FAM136A: variants seen among roughly 807,000 people sequenced by gnomAD.
The protein encoded by FAM136A is TIM double twin CX3C motif chaperone, also known as TIM double twin CX3C motif protein.
A neutral mutation model predicts 21.6 loss-of-function variants in FAM136A; 25 were observed. That is an observed-to-expected ratio of 1.16 (90% CI 0.84 to 1.62). The LOEUF is 1.62. Ranked by LOEUF, FAM136A falls within the 40% of genes most tolerant of loss-of-function variation. The pLI, the probability that FAM136A is intolerant of heterozygous loss-of-function variation, is 0.00. For synonymous variants in FAM136A, 119 were observed against 129.4 expected (o/e 0.92, Z 0.55); for missense variants, 338 against 332.0 (o/e 1.02, Z -0.14).
rs1379303003 is a variant in FAM136A, at chr2:70,301,967, G to A, written c.45C>T (p.Ser15=). The A allele has an allele frequency of 6.2e-7, 1 of 1,608,386 alleles. No individual in the cohort carries two copies. The highest frequency in any genetic ancestry group is 8.5e-7 in the Non-Finnish European group (1 of 1,178,570). ...QQLRVQEAVE[S]MVKSLERENI... The stretch of plus-strand genomic sequence containing the variant: ...TCTCTCTTTCCAGACTCTTCACCAT[G>A]GACTCCACCGCCTCCTGCACCCGGA... The change falls in exon 1 of 3, where the codon TCC becomes TCT. Residue 15 remains serine (S), a synonymous_variant. Transcript: ENST00000430566.
At position 70,301,847 on chromosome 2, in the gene FAM136A, C is replaced by T. The variant is rs778945845; in HGVS notation, c.165G>A (p.Thr55=). The part of the protein sequence containing the change: ...VPGPSLSHHA[T]PCTAAASPQT... ...GCGGGGACGCGGCTGCAGTGCAAGG[C>T]GTCGCGTGGTGGCTGAGGGAAGGGC... The change falls in exon 1 of 3, where the codon ACG becomes ACA. Residue 55 remains threonine (T), a synonymous_variant. Coordinates refer to ENST00000430566, the MANE Select transcript of FAM136A (RefSeq NM_001329752.2). The T allele has an allele frequency of 1.7e-5, 26 of 1,551,588 alleles. 1 individual carries two copies. In the South Asian group the frequency reaches 2.0e-4, roughly 12 times the overall value.
Position 70,302,057 on chromosome 2 carries a change from G to A in FAM136A, c.-46C>T. 6.5e-7 allele frequency: 1 copy of A among 1,530,984 alleles called. No homozygotes were observed. Among genetic ancestry groups the A allele is most frequent in the South Asian group, 1.2e-5 (1 of 82,034 alleles). The allele number at this position is 1,530,984 out of a possible 1,614,324, so 94.8% of individuals were successfully genotyped here. On this transcript the variant is annotated 5_prime_UTR_variant, in exon 1 of 3. Coordinates refer to ENST00000430566, the MANE Select transcript of FAM136A (RefSeq NM_001329752.2). ...CGGCGCTCCGCGCCGGCGCCCATAT[G>A]GAATCGGCGTACGGGCCCGCCCCCT...
Position 70,297,458 on chromosome 2 carries a change from G to A in FAM136A, c.569C>T (p.Thr190Ile). The change falls in exon 3 of 3, where the codon ACC becomes ATC. Residue 190 changes from threonine (T) to isoleucine (I), a missense_variant. Physicochemically the swap from Thr to Ile is moderately conservative, Grantham distance 89. Coordinates refer to ENST00000430566, the MANE Select transcript of FAM136A (RefSeq NM_001329752.2). ...EKFQDRLARC[T>I]MHCNDKAKDS... ...TTTGGCTTTGTCGTTGCAATGCATG[G>A]TGCACCGGGCCAGGCGGTCCTGTGG... 1 of 1,613,862 alleles carries A rather than the reference G, an allele frequency of 6.2e-7. No homozygotes were observed. Among genetic ancestry groups the A allele is most frequent in the Non-Finnish European group, 8.5e-7 (1 of 1,179,862 alleles).
chr2:70,299,476 A>C (rs767923233), intron 2 of FAM136A, among the ~76,000 whole-genome samples: 1 of 152,258 alleles, frequency 6.6e-6, no homozygotes, highest in Non-Finnish European at 1.5e-5. Context: ...GGGTGGGTGT[A>C]TAAGTCCACA....
chr2:70,301,712 A>G lies in FAM136A; in HGVS notation c.300T>C (p.Phe100=). 1.3e-6 allele frequency: 2 copies of G among 1,536,264 alleles called. No individual in the cohort carries two copies. The highest frequency in any genetic ancestry group is 1.2e-5 in the South Asian group (1 of 84,014). ...CCTGCCCCGGGCTGGAAGGGGCGGA[A>G]AACAGCCTCGCGCACGGCAAGGGCA... ...IRVPLPCARL[F]SAPSSPGQER... is the part of the protein sequence containing the mutation. The change falls in exon 1 of 3, where the codon TTT becomes TTC. Residue 100 remains phenylalanine, a synonymous_variant. Coordinates refer to ENST00000430566, the MANE Select transcript of FAM136A (RefSeq NM_001329752.2).
chr2:70,300,645 T>C (rs60931443), intron 2 of FAM136A, 195 bp downstream of exon 2: 2 of 563,112 alleles, frequency 3.6e-6, no homozygotes, highest in Non-Finnish European at 6.3e-6. Context: ...CTATAGGAAA[T>C]GATGTTCAAC....
Position 70,301,995 on chromosome 2 carries a change from T to C in FAM136A, c.17A>G (p.Gln6Arg). The C allele has an allele frequency of 6.2e-7, 1 of 1,603,340 alleles. No homozygotes were observed. Among genetic ancestry groups the C allele is most frequent in the Non-Finnish European group, 8.5e-7 (1 of 1,176,390 alleles). Residue 6 changes from glutamine (Q) to arginine (R), a missense_variant, in exon 1 of 3, where the codon CAG (glutamine) becomes CGG (arginine). Transcript: ENST00000430566. MAELQ[Q>R]LRVQEAVESM... ...CTCCACCGCCTCCTGCACCCGGAGC[T>C]GCTGCAGCTCAGCCATGGCGACCCC...
rs116073039 is a variant in FAM136A, at chr2:70,297,171, C to G, written c.*118G>C. ...CCAGAGGCAAGTGACATATGCCTTA[C>G]GCTTGTGGCCATCCTTCATTTCTTC... On this transcript the variant is annotated 3_prime_UTR_variant, in exon 3 of 3. Coordinates refer to ENST00000430566, the MANE Select transcript of FAM136A (RefSeq NM_001329752.2). 2.9e-6 allele frequency: 3 copies of G among 1,037,152 alleles called. No individual in the cohort carries two copies. The highest frequency in any genetic ancestry group is 5.4e-5 in the Admixed American group (2 of 37,106). The allele number at this position is 1,037,152 out of a possible 1,614,324, so 64.2% of individuals were successfully genotyped here.
intron 1 of FAM136A, chr2:70,301,244 G>A (rs1697389028): frequency 2.2e-6 from 2 of 922,128 alleles, no homozygotes; most frequent in Admixed American, 5.9e-5. Flanking sequence ...ACAGAGGTTC[G>A]CCCGAGTGGG....
chr2:70,301,575 G>A, intron 1 of FAM136A, 29 bp downstream of exon 1: 1 of 1,535,986 alleles, frequency 6.5e-7, no homozygotes, highest in Non-Finnish European at 8.7e-7. Context: ...CACGTTGGCA[G>A]CGCCTCTGCT....
Position 70,301,641 on chromosome 2 carries a change from G to A in FAM136A, c.371C>T (p.Ala124Val), listed in dbSNP as rs369174910. The A allele has an allele frequency of 5.2e-5, 80 of 1,535,514 alleles. No homozygotes were observed. Among genetic ancestry groups the A allele is most frequent in the Middle Eastern group, 1.7e-4 (1 of 6,000 alleles). ...QVGSPWWQAL[A>V]PPPSPLTRPL... is the part of the protein sequence containing the mutation. ...CCGCGTAAGAGGGGAAGGTGGTGGG[G>A]CGAGCGCCTGCCACCAGGGGCTTCC... is the stretch of plus-strand genomic sequence containing the variant. Residue 124 changes from alanine to valine, a missense_variant, in exon 1 of 3, where the codon GCC becomes GTC. Coordinates refer to ENST00000430566, the MANE Select transcript of FAM136A (RefSeq NM_001329752.2).
chr2:70,301,655 C>T lies in FAM136A; in HGVS notation c.357G>A (p.Trp119Ter), dbSNP rs777193638. The T allele has an allele frequency of 2.6e-6, 4 of 1,535,374 alleles. No homozygotes were observed. The highest frequency in any genetic ancestry group is 3.5e-6 in the Non-Finnish European group (4 of 1,146,428). The change falls in exon 1 of 3, where the codon TGG becomes TGA. Residue 119 changes from tryptophan to a stop codon, truncating the protein, a stop_gained. Coordinates refer to ENST00000430566, the MANE Select transcript of FAM136A (RefSeq NM_001329752.2). LOFTEE classifies it high-confidence loss of function. Reference protein sequence around the residue: ...ERPRRQVGSPWWQALAPPPSP... With the variant: ...ERPRRQVGSP The stretch of plus-strand genomic sequence containing the variant: ...AAGGTGGTGGGGCGAGCGCCTGCCA[C>T]CAGGGGCTTCCCACCTGCCGCCGAG...
chr2:70,299,313 C>T (rs1697332049), intron 2 of FAM136A, among the ~76,000 whole-genome samples: 1 of 152,170 alleles, frequency 6.6e-6, no homozygotes, highest in South Asian at 2.1e-4. Context: ...ATACTCTTTG[C>T]TCCAGAGAGG....
intron 1 of FAM136A, chr2:70,301,264 G>C: frequency 1.9e-6 from 2 of 1,068,352 alleles, no homozygotes; most frequent in Non-Finnish European, 2.6e-6. Flanking sequence ...GTGAGGGTAG[G>C]GTGGTCTGAC....
In FAM136A at chr2:70,296,050, A is replaced by C. The variant is rs1456247524; in HGVS notation, c.*1239T>G. 2.0e-5 allele frequency: 3 copies of C among 152,696 alleles called. No individual in the cohort carries two copies. Among genetic ancestry groups the C allele is most frequent in the African/African-American group, 7.2e-5 (3 of 41,472 alleles). 9.5% of individuals were successfully genotyped at this position (152,696 alleles called of 1,614,324 possible). A position where few individuals can be genotyped will look rare whatever the true frequency, so the allele number is the denominator to read the frequency against. On this transcript the variant is annotated 3_prime_UTR_variant, in exon 3 of 3. Transcript: ENST00000430566. Reference sequence around the variant, plus strand: ...AATATATCACAGCCTGGAAACAGCAAACGGACAGGCTATATTATAATTTCA... The same window carrying C: ...AATATATCACAGCCTGGAAACAGCACACGGACAGGCTATATTATAATTTCA...
intron 2 of FAM136A, 24 bp downstream of exon 2, chr2:70,300,816 T>C (rs762623609): frequency 1.2e-5 from 19 of 1,584,658 alleles, no homozygotes; most frequent in Non-Finnish European, 1.6e-5. Context: ...AGGACTACAG[T>C]GCTCTGTCTA....
In FAM136A at chr2:70,298,072, G is replaced by T. The variant is rs555234261; in HGVS notation, c.550-595C>A. 8.5e-4 allele frequency among the ~76,000 whole-genome samples: 129 copies of T among 151,980 alleles called. 2 individuals carry two copies. Among genetic ancestry groups the T allele is most frequent in the Middle Eastern group, 3.4e-3 (1 of 294 alleles). On this transcript the variant is annotated intron_variant, in intron 2 of 2. Transcript: ENST00000430566. ...AAATGAGAGGTCCCTAGAGGTTATT[G>T]TAAGATGTACAAACATCTTGATTCT...
intron 2 of FAM136A, among the ~76,000 whole-genome samples, chr2:70,300,034 T>A (rs1697351280): frequency 6.6e-6 from 1 of 151,926 alleles, no homozygotes; most frequent in South Asian, 2.1e-4. Context: ...CCCGAGTAGC[T>A]GGGATTACAG....
chr2:70,300,170 G>C (rs930006983), intron 2 of FAM136A, among the ~76,000 whole-genome samples: 2 of 152,016 alleles, frequency 1.3e-5, no homozygotes, highest in African/African-American at 4.8e-5. Flanking sequence ...AAAATGTTGG[G>C]ATTACAGGCG....
Sources: allele counts gnomAD v4.1 joint callset (sites outside exome capture counted in the v4.1 genomes callset), GRCh38; gene constraint gnomAD v4.1.1; transcripts MANE v1.5; gene names NCBI Gene and HGNC (gene_info 2026-07-23, HGNC 2026-07-21).